The following PKD1L1 variants were observed in gnomAD, a reference collection of about 807,000 sequenced individuals.
PKD1L1 encodes polycystin 1 like 1, transient receptor potential channel interacting.
A neutral mutation model predicts 323.4 loss-of-function variants in PKD1L1; 236 were observed. The ratio of observed to expected loss-of-function variants is 0.73; its 90% CI spans 0.66 to 0.81. PKD1L1 has a LOEUF of 0.81. PKD1L1 is among the 40% of genes least tolerant of loss of function. The pLI is 0.00. For synonymous variants in PKD1L1, 1,344 were observed against 1,335.0 expected, an observed-to-expected ratio of 1.01 and a Z score of -0.15; for missense variants, 3,320 against 3,508.0, an observed-to-expected ratio of 0.95 and a Z score of 1.35.
intron 56 of PKD1L1, 22 bp downstream of exon 56, chr7:47,792,604 TA>T: frequency 6.4e-7 from 1 of 1,566,900 alleles, no homozygotes; most frequent in Non-Finnish European, 8.7e-7. Context: ...AAAATTGACA[TA>T]AATAATTTTG....
At chr7:47,811,276 T>A (rs1784888465) in intron 50 of PKD1L1, among the ~76,000 whole-genome samples, 1 of 150,394 alleles carries the variant, frequency 6.6e-6, no homozygotes, top group Non-Finnish European at 1.5e-5. Flanking sequence ...GCCTTCAGCC[T>A]CCCAAGTAGT....
the PKD1L1 span, among the ~76,000 whole-genome samples, chr7:47,958,043 T>C: frequency 6.6e-6 from 1 of 151,882 alleles, no homozygotes; most frequent in East Asian, 1.9e-4. Flanking sequence ...GCAGATTCAG[T>C]GCAATTCCTA....
At chr7:47,907,932 T>C (rs1265032200) in intron 9 of PKD1L1, 145 bp downstream of exon 9, 2 of 760,068 alleles carry the variant, frequency 2.6e-6, no homozygotes, top group South Asian at 2.3e-5. Flanking sequence ...CTGCAAGACA[T>C]ATTTTCTGAA....
At chr7:47,925,588 G>A (rs1787641569) in intron 7 of PKD1L1, among the ~76,000 whole-genome samples, 1 of 152,096 alleles carries the variant, frequency 6.6e-6, no homozygotes, top group African/African-American at 2.4e-5. Context: ...CCTGAAAAAT[G>A]AGTTCAGGCC....
chr7:47,884,687 C>T, intron 18 of PKD1L1, 30 bp from the exon 19 acceptor site: 1 of 1,579,418 alleles, frequency 6.3e-7, no homozygotes, highest in Non-Finnish European at 8.7e-7. Flanking sequence ...CATAATGTTT[C>T]CTTTAAAATC....
At chr7:47,921,365 G>T (rs1432017448) in intron 7 of PKD1L1, among the ~76,000 whole-genome samples, 3 of 151,972 alleles carry the variant, frequency 2.0e-5, no homozygotes, top group South Asian at 4.1e-4. Flanking sequence ...TGCAACAATG[G>T]CTATAATCAA....
At chr7:47,884,751 G>T in intron 18 of PKD1L1, 94 bp from the exon 19 acceptor site, 1 of 1,014,270 alleles carries the variant, frequency 9.9e-7, no homozygotes, top group Non-Finnish European at 1.5e-6. Context: ...ATTGTCCTTG[G>T]TGTATTTCTA....
chr7:47,884,336 G>A lies in PKD1L1; in HGVS notation c.3265+262C>T, dbSNP rs560989599. On this transcript the variant is annotated intron_variant, in intron 19 of 56. Coordinates refer to ENST00000289672, the MANE Select transcript of PKD1L1 (RefSeq NM_138295.5). ...TTGGCAGACGACACTCCATGACCAA[G>A]GCATGGAAGAGCTGGGATGCTCATC... Among the ~76,000 whole-genome samples the A allele has an allele frequency of 2.6e-5, 4 of 152,290 alleles. No individual in the cohort carries two copies. In the South Asian group the frequency reaches 6.2e-4, roughly 24 times the overall value.
At chr7:47,874,187 C>T (rs987223410) in intron 23 of PKD1L1, among the ~76,000 whole-genome samples, 177 bp from the exon 24 acceptor site, 3 of 152,138 alleles carry the variant, frequency 2.0e-5, no homozygotes, top group Admixed American at 6.6e-5. Flanking sequence ...AATGGACTGT[C>T]AAGGCTTGGG....
At chr7:47,798,062 A>C (rs574599261) in intron 54 of PKD1L1, among the ~76,000 whole-genome samples, 2 of 152,330 alleles carry the variant, frequency 1.3e-5, no homozygotes, top group Admixed American at 1.3e-4. Flanking sequence ...CAAAACACCA[A>C]CATGATTTTT....
chr7:47,936,948 T>C lies in PKD1L1; in HGVS notation c.296A>G (p.Lys99Arg). 6.2e-7 allele frequency: 1 copy of C among 1,607,062 alleles called. No homozygotes were observed. Among genetic ancestry groups the C allele is most frequent in the Non-Finnish European group, 8.5e-7 (1 of 1,177,482 alleles). Residue 99 changes from lysine (K) to arginine (R), a missense_variant, in exon 4 of 57, where the codon AAA (lysine) becomes AGA (arginine). Physicochemically the swap from Lys to Arg is conservative, Grantham distance 26. Coordinates refer to ENST00000289672, the MANE Select transcript of PKD1L1 (RefSeq NM_138295.5). Reference sequence around the variant, plus strand: ...ACTTAACGCTGCTTCACTAGTTGTTTTCCAAATGTTCTGTAAGAAAAAATA... The same window carrying C: ...ACTTAACGCTGCTTCACTAGTTGTTCTCCAAATGTTCTGTAAGAAAAAATA... ...SSASRQKNIW[K>R]TTSEAALSVV...
Position 47,943,419 on chromosome 7 carries a change from G to C in PKD1L1, c.137C>G (p.Pro46Arg). ...SWGLHLCSCS[P>R]PGGGLWVEVY... is the part of the protein sequence containing the mutation. ...ACCGACCCACAATCCACCTCCAGGA[G>C]GGCTACAGCTGCACAGATGAAGACC... is the stretch of plus-strand genomic sequence containing the variant. Residue 46 changes from proline to arginine, a missense_variant, in exon 2 of 57, where the codon CCT becomes CGT. By Grantham distance (103) the Pro-to-Arg change is moderately radical. Coordinates refer to ENST00000289672, the MANE Select transcript of PKD1L1 (RefSeq NM_138295.5). 1 of 1,613,190 alleles carries C rather than the reference G, an allele frequency of 6.2e-7. No individual in the cohort carries two copies. Among genetic ancestry groups the C allele is most frequent in the South Asian group, 1.1e-5 (1 of 91,016 alleles).
In PKD1L1 at chr7:47,940,327, A is replaced by G. The variant is rs746272407; in HGVS notation, c.161-10T>C. On this transcript the variant is annotated splice_polypyrimidine_tract_variant and intron_variant, in intron 2 of 56. Coordinates refer to ENST00000289672, the MANE Select transcript of PKD1L1 (RefSeq NM_138295.5). Reference sequence around the variant, plus strand: ...TGATTAGCATAGACCTCTAGAGAAAAAAAAAAAAGCAAACATTCTGAAGAC... The same window carrying G: ...TGATTAGCATAGACCTCTAGAGAAAGAAAAAAAAGCAAACATTCTGAAGAC... 2.3e-5 allele frequency: 37 copies of G among 1,601,218 alleles called. No homozygotes were observed. The highest frequency in any genetic ancestry group is 9.4e-5 in the African/African-American group (7 of 74,194).
At chr7:47,882,767 C>T (rs919022443) in intron 19 of PKD1L1, among the ~76,000 whole-genome samples, 1 of 152,094 alleles carries the variant, frequency 6.6e-6, no homozygotes, top group African/African-American at 2.4e-5. Context: ...TGCACAGCCA[C>T]GGGCTTTTGT....
chr7:47,834,885 GA>G (rs1785423732), intron 39 of PKD1L1, 81 bp downstream of exon 39: 10 of 1,176,986 alleles, frequency 8.5e-6, no homozygotes, highest in African/African-American at 1.5e-5. Context: ...ATTGAAAACA[GA>G]AGATACAATT....
chr7:47,862,796 G>A (rs1583628800), intron 26 of PKD1L1, among the ~76,000 whole-genome samples: 2 of 152,256 alleles, frequency 1.3e-5, no homozygotes, highest in Middle Eastern at 3.4e-3. Flanking sequence ...AGAAAAGCCA[G>A]GAAAGGAGGA....
At chr7:47,933,671 T>C (rs1471747321) in intron 4 of PKD1L1, among the ~76,000 whole-genome samples, 1 of 152,048 alleles carries the variant, frequency 6.6e-6, no homozygotes, top group South Asian at 2.1e-4. Flanking sequence ...AACTCCATCT[T>C]AGAAAAAGCC....
intron 14 of PKD1L1, among the ~76,000 whole-genome samples, chr7:47,895,439 G>C (rs957064898): frequency 6.6e-5 from 10 of 152,140 alleles, no homozygotes; most frequent in Non-Finnish European, 4.4e-5. Context: ...TTTAAGAAAG[G>C]GATTATAATC....
chr7:47,809,604 G>T, intron 50 of PKD1L1, 27 bp from the exon 51 acceptor site: 1 of 1,488,194 alleles, frequency 6.7e-7, no homozygotes, highest in South Asian at 1.3e-5. Flanking sequence ...AAACAAACAA[G>T]ATCAATAGGA....
Sources: allele counts gnomAD v4.1 joint callset (sites outside exome capture counted in the v4.1 genomes callset), GRCh38; gene constraint gnomAD v4.1.1; transcripts MANE v1.5; gene names NCBI Gene and HGNC (gene_info 2026-07-23, HGNC 2026-07-21).